NFASC: variants seen among roughly 807,000 people sequenced by gnomAD.
NFASC encodes neurofascin.
Under a neutral mutation model 147.5 loss-of-function variants are expected in NFASC, and 43 were observed. The ratio of observed to expected loss-of-function variants is 0.29; its 90% CI spans 0.23 to 0.38. The LOEUF (loss-of-function observed/expected upper bound fraction) is 0.38, where lower values mean the gene tolerates loss of function less well. NFASC is among the 10% of genes least tolerant of loss of function. The pLI, the probability that NFASC is intolerant of heterozygous loss-of-function variation, is 1.00. For synonymous variants in NFASC, 622 were observed against 665.5 expected, an observed-to-expected ratio of 0.93 and a Z score of 1.01; for missense variants, 1,320 against 1,689.0, an observed-to-expected ratio of 0.78 and a Z score of 3.83.
chr1:205,006,170 T>C (rs1445057365), intron 27 of NFASC, among the ~76,000 whole-genome samples: 1 of 152,226 alleles, frequency 6.6e-6, no homozygotes, highest in East Asian at 1.9e-4. Context: ...CCCTAGCTGA[T>C]ATCAGGGGAA....
chr1:204,830,651 T>C (rs1314610860), intron 1 of NFASC, among the ~76,000 whole-genome samples: 2 of 140,178 alleles, frequency 1.4e-5, no homozygotes, highest in African/African-American at 5.6e-5. Context: ...TTGTGTGATG[T>C]GTGTATAGAG....
chr1:204,846,953 G>GTGTGTGTGTCTGTGTGTGTC (rs111723969), intron 1 of NFASC, among the ~76,000 whole-genome samples: 1 of 130,730 alleles, frequency 7.6e-6, no homozygotes, highest in Non-Finnish European at 1.6e-5. Flanking sequence ...GTGTGTACGC[G>GTGTGTGTGTCTGTGTGTGTC]TGTGTGTGTG....
chr1:204,828,682 C>T lies in NFASC; in HGVS notation c.-300C>T. On this transcript the variant is annotated 5_prime_UTR_variant, in exon 1 of 30. Transcript: ENST00000339876. ...CGGGCTGGTCTCTGCCCTAATGCGG[C>T]GGCTGGCGGCGAGAGGCGCTGCAGG... 1 of 985,200 alleles carries T rather than the reference C, an allele frequency of 1.0e-6. No homozygotes were observed. Among genetic ancestry groups the T allele is most frequent in the African/African-American group, 1.7e-5 (1 of 57,232 alleles). The allele number at this position is 985,200 out of a possible 1,614,324, so 61.0% of individuals were successfully genotyped here. A position where few individuals can be genotyped will look rare whatever the true frequency, so the allele number is the denominator to read the frequency against.
intron 1 of NFASC, among the ~76,000 whole-genome samples, chr1:204,856,382 G>GGGGT (rs111793461): frequency 2.9e-5 from 4 of 139,692 alleles, no homozygotes; most frequent in Non-Finnish European, 6.2e-5. Context: ...ATGCAGAACA[G>GGGGT]GTGTGTGTGT....
intron 27 of NFASC, among the ~76,000 whole-genome samples, chr1:205,007,269 A>G (rs945983553): frequency 2.0e-5 from 3 of 151,928 alleles, no homozygotes; most frequent in Admixed American, 2.0e-4. Context: ...GGTGACATGC[A>G]CTCGTAGTCC....
Position 204,854,363 on chromosome 1 carries a change from C to A in NFASC, c.-200+25581C>A, listed in dbSNP as rs550561656. On this transcript the variant is annotated intron_variant, in intron 1 of 29. Transcript: ENST00000339876. ...CTGGGAACTTGGTGTGAGACATAGA[C>A]CCCGGTTGCGTTGCCTTCCCCCACC... Among the ~76,000 whole-genome samples, 4 of 152,238 alleles carry A rather than the reference C, an allele frequency of 2.6e-5. No homozygotes were observed. The East Asian group carries it at 7.7e-4, about 29-fold the overall frequency.
intron 1 of NFASC, among the ~76,000 whole-genome samples, chr1:204,918,354 A>T (rs2089738725): frequency 6.6e-6 from 1 of 151,972 alleles, no homozygotes. Context: ...CAAAACATGG[A>T]TTTTTTTGCA....
intron 1 of NFASC, among the ~76,000 whole-genome samples, chr1:204,885,259 A>C (rs2081093023): frequency 1.3e-5 from 2 of 152,308 alleles, no homozygotes; most frequent in Non-Finnish European, 1.5e-5. Flanking sequence ...ATCACCCCTA[A>C]AGTGAACATT....
At chr1:205,000,354 C>G (rs918792474) in intron 25 of NFASC, 3 of 152,196 alleles carry the variant, frequency 2.0e-5, no homozygotes, top group Non-Finnish European at 4.4e-5. Context: ...TCTCTCTGAC[C>G]AAGGACAACC....
intron 1 of NFASC, among the ~76,000 whole-genome samples, chr1:204,885,170 T>C (rs139513700): frequency 6.6e-6 from 1 of 152,270 alleles, no homozygotes; most frequent in East Asian, 1.9e-4. Context: ...TTAAAGACCT[T>C]TTGAGGAGCC....
chr1:204,965,509 C>G (rs1339381807), intron 8 of NFASC, among the ~76,000 whole-genome samples: 3 of 152,230 alleles, frequency 2.0e-5, no homozygotes, highest in Non-Finnish European at 4.4e-5. Context: ...TTCAAGTTTT[C>G]CATGCCTTTA....
intron 2 of NFASC, among the ~76,000 whole-genome samples, chr1:204,933,435 A>C (rs1230179485): frequency 6.6e-6 from 1 of 152,178 alleles, no homozygotes; most frequent in Non-Finnish European, 1.5e-5. Flanking sequence ...GGGTACCACC[A>C]ACAAAGATGG....
chr1:205,002,543 C>T lies in NFASC; in HGVS notation c.3137-53C>T, dbSNP rs895115749. On this transcript the variant is annotated intron_variant, in intron 26 of 29. Transcript: ENST00000339876. ...CAGGTGACCAGGACCTAAGCACTGG[C>T]TCTCCAGCTCCTGGTGCCTGGCTCT... 2.9e-6 allele frequency: 4 copies of T among 1,375,116 alleles called. No homozygotes were observed. The African/African-American group carries it at 5.9e-5, about 20-fold the overall frequency. 85.2% of individuals were successfully genotyped at this position (1,375,116 alleles called of 1,614,324 possible).
At position 204,937,539 on chromosome 1, in the gene NFASC, G is replaced by C. The variant is rs35070659; in HGVS notation, c.-90-6687G>C. Among the ~76,000 whole-genome samples the C allele has an allele frequency of 1.5e-3, 227 of 152,286 alleles. 1 individual carries two copies. Among genetic ancestry groups the C allele is most frequent in the Non-Finnish European group, 2.6e-3 (179 of 68,040 alleles). ...TTTGCCTTTTCCAGAATGTCATGCG[G>C]TTGTAACCACACAGTGTGCAGCCTT... is the stretch of plus-strand genomic sequence containing the variant. On this transcript the variant is annotated intron_variant, in intron 2 of 29. Transcript: ENST00000339876.
At chr1:204,943,215 C>T (rs1484369445) in intron 2 of NFASC, among the ~76,000 whole-genome samples, 1 of 152,302 alleles carries the variant, frequency 6.6e-6, no homozygotes, top group African/African-American at 2.4e-5. Context: ...CAAACTGGAC[C>T]AATTTTTTAA....
At chr1:204,974,634 G>A in intron 13 of NFASC, 23 bp from the exon 14 acceptor site, 2 of 1,614,128 alleles carry the variant, frequency 1.2e-6, no homozygotes, top group Non-Finnish European at 1.7e-6. Flanking sequence ...AGGATGCTGT[G>A]TGTTCTGCTG....
intron 8 of NFASC, chr1:204,967,957 C>A: frequency 2.3e-5 from 6 of 266,572 alleles, no homozygotes; most frequent in Admixed American, 5.3e-5. Context: ...ACTGCTCAGA[C>A]AGCCCCTCCC....
In NFASC at chr1:204,957,742, C is replaced by T; in HGVS notation, c.622C>T (p.Gln208Ter). ...CTCCAACGTGATGCTGCAGGACATG[C>T]AGACCGACTACAGTTGTAACGCCCG... ...YFSNVMLQDMQTDYSCNARFH... is the reference protein window; with the variant it reads ...YFSNVMLQDM Residue 208 changes from glutamine (Q) to a stop codon, truncating the protein, a stop_gained, in exon 8 of 30, where the codon CAG becomes TAG. Coordinates refer to ENST00000339876, the MANE Select transcript of NFASC (RefSeq NM_001005388.3). LOFTEE classifies it high-confidence loss of function. 1 of 1,614,168 alleles carries T rather than the reference C, an allele frequency of 6.2e-7. No individual in the cohort carries two copies. Among genetic ancestry groups the T allele is most frequent in the Non-Finnish European group, 8.5e-7 (1 of 1,180,008 alleles).
At chr1:204,977,613 C>G (rs1216889797) in intron 16 of NFASC, 68 bp from the exon 17 acceptor site, 22 of 1,485,958 alleles carry the variant, frequency 1.5e-5, no homozygotes, top group Non-Finnish European at 2.0e-5. Flanking sequence ...CTGCCTACCC[C>G]CATCCTTCTA....
Sources: gnomAD v4.1 joint callset for allele counts (sites outside exome capture counted in the v4.1 genomes callset) on GRCh38, gnomAD v4.1.1 for gene constraint, MANE v1.5 for transcripts, NCBI Gene and HGNC (gene_info 2026-07-23, HGNC 2026-07-21) for gene names.